The following RBFOX1 variants were observed in gnomAD, a reference collection of about 807,000 sequenced individuals.
RBFOX1 encodes the protein RNA binding fox-1 homolog 1, also known as RNA binding protein fox-1 homolog 1.
Under a neutral mutation model 57.7 loss-of-function variants are expected in RBFOX1, and 8 were observed. The observed-to-expected ratio is 0.14, with a 90% confidence interval of 0.08 to 0.25. The LOEUF is 0.25. RBFOX1 is among the 10% of genes least tolerant of loss of function. The probability of loss-of-function intolerance (pLI) is 1.00; values close to 1 mark genes in which losing one functional copy is unlikely to be tolerated. For synonymous variants in RBFOX1, 326 were observed against 222.4 expected (o/e 1.47, Z -4.15); for missense variants, 611 against 548.5 (o/e 1.11, Z -1.14).
At chr16:6,651,771 G>C (rs1009756626) in intron 2 of RBFOX1, among the ~76,000 whole-genome samples, 1 of 152,176 alleles carries the variant, frequency 6.6e-6, no homozygotes, top group Non-Finnish European at 1.5e-5. Flanking sequence ...GTTCATAGCA[G>C]CATCATTCAC....
intron 3 of RBFOX1, among the ~76,000 whole-genome samples, chr16:6,731,133 T>G (rs2068477151): frequency 6.6e-6 from 1 of 152,112 alleles, no homozygotes. Flanking sequence ...AATTAGAAGA[T>G]GAATACAGAG....
In RBFOX1 at chr16:6,507,507, C is replaced by CAAAAAAAAA. The variant is rs57685233; in HGVS notation, c.-63-147086_-63-147078dup. ...GCAACATAACAAGACCCTATCTGTA[C>CAAAAAAAAA]AAAAAAAAAAAAAAAAAAGCCTGGC... On this transcript the variant is annotated intron_variant, in intron 2 of 15. Transcript: ENST00000550418. Among the ~76,000 whole-genome samples, 10 of 97,130 alleles carry CAAAAAAAAA rather than the reference C, an allele frequency of 1.0e-4. 1 individual carries two copies. Among genetic ancestry groups the CAAAAAAAAA allele is most frequent in the African/African-American group, 1.2e-4 (3 of 25,172 alleles). 63.7% of individuals were successfully genotyped at this position (97,130 alleles called of 152,430 possible). A position where few individuals can be genotyped will look rare whatever the true frequency, so the allele number is the denominator to read the frequency against.
intron 4 of RBFOX1, among the ~76,000 whole-genome samples, chr16:7,086,923 G>T (rs1166651073): frequency 1.3e-5 from 2 of 152,018 alleles, no homozygotes; most frequent in Admixed American, 1.3e-4. Context: ...CCCATCCCCC[G>T]GCCCTCCTTC....
chr16:6,316,705 A>G (rs1450504374), intron 1 of RBFOX1, among the ~76,000 whole-genome samples: 1 of 152,152 alleles, frequency 6.6e-6, no homozygotes, highest in Non-Finnish European at 1.5e-5. Flanking sequence ...AGGCTTCACG[A>G]TGTACATGCA....
At chr16:7,074,869 G>C (rs998582864) in intron 4 of RBFOX1, among the ~76,000 whole-genome samples, 4 of 152,154 alleles carry the variant, frequency 2.6e-5, no homozygotes, top group Admixed American at 6.5e-5. Flanking sequence ...TCTGTAATGA[G>C]TACAGGTAAC....
chr16:6,637,775 C>T (rs937185137), intron 2 of RBFOX1, among the ~76,000 whole-genome samples: 2 of 151,576 alleles, frequency 1.3e-5, no homozygotes, highest in African/African-American at 2.4e-5. Context: ...AACAAGTTGG[C>T]GTTATTTAGC....
At chr16:5,299,218 C>CA (rs1387630818) in intron 1 of RBFOX1, among the ~76,000 whole-genome samples, 1 of 150,864 alleles carries the variant, frequency 6.6e-6, no homozygotes, top group Non-Finnish European at 1.5e-5. Flanking sequence ...TTTTTTTGCT[C>CA]AAAAAAAGTT....
At chr16:7,398,034 G>A (rs957619801) in intron 4 of RBFOX1, among the ~76,000 whole-genome samples, 10 of 151,732 alleles carry the variant, frequency 6.6e-5, no homozygotes, top group Admixed American at 3.9e-4. Context: ...GATATCCTCA[G>A]AGCAACTGTT....
intron 1 of RBFOX1, among the ~76,000 whole-genome samples, chr16:6,113,092 A>G (rs1219318767): frequency 6.6e-6 from 1 of 152,158 alleles, no homozygotes; most frequent in Non-Finnish European, 1.5e-5. Context: ...GTGGATAAGC[A>G]GGCATGTGAG....
intron 2 of RBFOX1, among the ~76,000 whole-genome samples, chr16:6,531,024 C>A (rs1392604241): frequency 6.6e-6 from 1 of 152,188 alleles, no homozygotes. Flanking sequence ...TTGTCCCCCA[C>A]CTTGCAGGTG....
chr16:6,401,212 A>G (rs2093053769), intron 2 of RBFOX1, among the ~76,000 whole-genome samples: 1 of 152,220 alleles, frequency 6.6e-6, no homozygotes, highest in South Asian at 2.1e-4. Context: ...TCCAAAGGAC[A>G]CAGGCCTCAG....
intron 3 of RBFOX1, among the ~76,000 whole-genome samples, chr16:6,944,605 G>A (rs922151883): frequency 6.6e-6 from 1 of 152,050 alleles, no homozygotes; most frequent in African/African-American, 2.4e-5. Context: ...GATCTCAGGT[G>A]GAATCTTCAG....
intron 3 of RBFOX1, among the ~76,000 whole-genome samples, chr16:6,761,090 C>T (rs2076536018): frequency 6.6e-6 from 1 of 152,186 alleles, no homozygotes. Flanking sequence ...AGGGGGCTAT[C>T]ATTAAAAATT....
chr16:6,236,670 C>T (rs117759937), intron 1 of RBFOX1, among the ~76,000 whole-genome samples: 13,739 of 152,032 alleles, frequency 0.09, 846 homozygotes, highest in African/African-American at 0.17. Flanking sequence ...AGGCTGGTCT[C>T]AAACTCCTGA....
intron 4 of RBFOX1, among the ~76,000 whole-genome samples, chr16:7,307,182 T>C (rs1479771319): frequency 3.9e-5 from 6 of 152,342 alleles, no homozygotes; most frequent in African/African-American, 1.2e-4. Context: ...GTTTTATAAA[T>C]CCACAAACTC....
rs1013270019 is a variant in RBFOX1, at chr16:6,743,824, C to G, written c.-16+89174C>G. On this transcript the variant is annotated intron_variant, in intron 3 of 15. Transcript: ENST00000550418. ...CATTATTTTTTCTCATGTGTTTTGA[C>G]TATTTAAAAAATCATGTTCATTTAT... 3.7e-5 allele frequency among the ~76,000 whole-genome samples: 4 copies of G among 107,078 alleles called. 1 individual carries two copies. Among genetic ancestry groups the G allele is most frequent in the Admixed American group, 1.7e-4 (2 of 11,666 alleles). 70.2% of individuals were successfully genotyped at this position (107,078 alleles called of 152,430 possible).
chr16:6,448,347 C>T (rs950151207), intron 2 of RBFOX1, among the ~76,000 whole-genome samples: 4 of 151,314 alleles, frequency 2.6e-5, no homozygotes, highest in African/African-American at 4.9e-5. Context: ...TTAATAGAGG[C>T]GGGGCTTCAC....
chr16:7,386,892 G>A (rs2097892929), intron 4 of RBFOX1, among the ~76,000 whole-genome samples: 1 of 152,088 alleles, frequency 6.6e-6, no homozygotes, highest in South Asian at 2.1e-4. Context: ...AGCATCTGTT[G>A]TTTTCTGACT....
chr16:7,398,600 C>G (rs1314805900), intron 4 of RBFOX1, among the ~76,000 whole-genome samples: 1 of 152,244 alleles, frequency 6.6e-6, no homozygotes, highest in East Asian at 1.9e-4. Context: ...CCTTCAATCT[C>G]TCTAACATTT....
Sources: allele counts gnomAD v4.1 joint callset (sites outside exome capture counted in the v4.1 genomes callset), GRCh38; gene constraint gnomAD v4.1.1; transcripts MANE v1.5; gene names NCBI Gene and HGNC (gene_info 2026-07-23, HGNC 2026-07-21).